Variants in COL5A3 observed in about 807,000 individuals in gnomAD.
COL5A3 encodes collagen type V alpha 3 chain, also known as collagen alpha-3(V) chain.
COL5A3 carries 172 observed loss-of-function variants against 250.0 expected under a neutral mutation model. That is an observed-to-expected ratio of 0.69 (90% confidence interval 0.61 to 0.78). The LOEUF (loss-of-function observed/expected upper bound fraction) is 0.78, where lower values mean the gene tolerates loss of function less well. COL5A3 is among the 30% of genes least tolerant of loss of function. The probability of loss-of-function intolerance (pLI) is 0.00; values close to 1 mark genes in which losing one functional copy is unlikely to be tolerated. For missense variants in COL5A3, 2,340 were observed against 2,334.4 expected, an observed-to-expected ratio of 1.00 and a Z score of -0.05; for synonymous variants, 937 against 900.4, an observed-to-expected ratio of 1.04 and a Z score of -0.73.
chr19:9,980,212 C>T (rs11882370), intron 35 of COL5A3, among the ~76,000 whole-genome samples, 165 bp from the exon 36 acceptor site: 12,837 of 152,228 alleles, frequency 0.084, 758 homozygotes, highest in African/African-American at 0.17. Context: ...CCACTGTAGC[C>T]CTTTGGGTTG....
At chr19:9,978,820 CAT>C in intron 40 of COL5A3, 69 bp downstream of exon 40, 1 of 1,122,712 alleles carries the variant, frequency 8.9e-7, no homozygotes, top group Non-Finnish European at 1.2e-6. Flanking sequence ...TGCTATTCCC[CAT>C]CCCTCCCCTG....
At chr19:10,010,102 A>C in intron 1 of COL5A3, among the ~76,000 whole-genome samples, 196 bp downstream of exon 1, 1 of 150,894 alleles carries the variant, frequency 6.6e-6, no homozygotes, top group East Asian at 2.0e-4. Context: ...GCACTCACAC[A>C]TCCCCACCCC....
At chr19:10,004,208 C>A in intron 4 of COL5A3, 63 bp from the exon 5 acceptor site, 2 of 1,251,742 alleles carry the variant, frequency 1.6e-6, no homozygotes, top group Non-Finnish European at 2.3e-6. Context: ...TACTCTGACC[C>A]CCTAACCCCC....
At chr19:10,000,353 A>G (rs1399791200) in intron 8 of COL5A3, among the ~76,000 whole-genome samples, 1 of 143,588 alleles carries the variant, frequency 7.0e-6, no homozygotes, top group Non-Finnish European at 1.5e-5. Context: ...CGTCCCTCCC[A>G]TCTTCCTCCA....
rs947664569 is a variant in COL5A3 at position 9,985,714 on chromosome 19, C to T, written c.2406+128G>A. ...AGCCACTATGCCTGGCCAAAGCCCACATTTTACATTCTCTCAGTGACCCTT... is the reference window on the plus strand; with the variant it reads ...AGCCACTATGCCTGGCCAAAGCCCATATTTTACATTCTCTCAGTGACCCTT... On this transcript the variant is annotated intron_variant, in intron 31 of 66. Coordinates refer to ENST00000264828, the MANE Select transcript of COL5A3 (RefSeq NM_015719.4). 1.2e-5 allele frequency: 10 copies of T among 842,560 alleles called. No individual in the cohort carries two copies. The African/African-American group carries it at 1.4e-4, about 11-fold the overall frequency. The allele number at this position is 842,560 out of a possible 1,614,324, so 52.2% of individuals were successfully genotyped here. A position where few individuals can be genotyped will look rare whatever the true frequency, so the allele number is the denominator to read the frequency against.
intron 15 of COL5A3, 117 bp from the exon 16 acceptor site, chr19:9,995,734 G>A: frequency 1.3e-6 from 1 of 747,940 alleles, no homozygotes; most frequent in Non-Finnish European, 2.1e-6. Context: ...CCAGACACCT[G>A]GGCTCAAGCA....
At chr19:10,006,438 C>A (rs1208624114) in intron 1 of COL5A3, among the ~76,000 whole-genome samples, 3 of 151,544 alleles carry the variant, frequency 2.0e-5, no homozygotes, top group Non-Finnish European at 2.9e-5. Context: ...CCGACCTCAG[C>A]AGCTTGTTGA....
Position 9,973,780 on chromosome 19 carries a change from A to C in COL5A3, c.3588T>G (p.Gly1196=). 6.2e-7 allele frequency: 1 copy of C among 1,613,938 alleles called. No individual in the cohort carries two copies. Among genetic ancestry groups the C allele is most frequent in the Non-Finnish European group, 8.5e-7 (1 of 1,179,926 alleles). The change falls in exon 49 of 67, where the codon GGT becomes GGG. Residue 1196 remains glycine, a synonymous_variant. Coordinates refer to ENST00000264828, the MANE Select transcript of COL5A3 (RefSeq NM_015719.4). ...EGTPGLPGGV[G]QPGAVGEKGE... Reference sequence around the variant, plus strand: ...CCTTCTCACCCACGGCGCCTGGCTGACCAACTCCTCCAGGCAGCCCTGGAG... The same window carrying C: ...CCTTCTCACCCACGGCGCCTGGCTGCCCAACTCCTCCAGGCAGCCCTGGAG...
At chr19:9,984,029 T>G (rs1040777694) in intron 31 of COL5A3, among the ~76,000 whole-genome samples, 205 of 151,190 alleles carry the variant, frequency 1.4e-3, no homozygotes, top group Non-Finnish European at 2.5e-3. Context: ...AAATGTCTAT[T>G]TTTTTTTTCT....
At chr19:9,984,583 AACTT>A (rs1369488270) in intron 31 of COL5A3, among the ~76,000 whole-genome samples, 1 of 152,176 alleles carries the variant, frequency 6.6e-6, no homozygotes, top group Non-Finnish European at 1.5e-5. Flanking sequence ...TGGTGAATGA[AACTT>A]AATCACACCA....
intron 11 of COL5A3, 170 bp from the exon 12 acceptor site, chr19:9,996,859 A>T (rs537946734): frequency 8.4e-6 from 5 of 594,678 alleles, no homozygotes; most frequent in Non-Finnish European, 1.5e-5. Context: ...AGTAGAGAGA[A>T]GTGGAAAGGA....
In COL5A3 at chr19:9,968,037, G is replaced by C; in HGVS notation, c.4357C>G (p.Pro1453Ala). Residue 1453 changes from proline to alanine, a missense_variant, in exon 60 of 67, where the codon CCA (proline) becomes GCA (alanine). By Grantham distance (27) the Pro-to-Ala change is conservative (BLOSUM62 -1). Around this residue, in one of 3 missense-constraint regions of COL5A3, gnomAD observed 1,179 missense variants for 1,162.6 expected, o/e 1.01. Transcript: ENST00000264828. This position sits in a 1 kb window ranked among gnomAD's most constrained non-coding sequence, Gnocchi z 4.1. ...CCCTGCATACTCACCGCCACACCTGGGGGCCCAGGGTGGCCCAGAGAGCCA... is the reference window on the plus strand; with the variant it reads ...CCCTGCATACTCACCGCCACACCTGCGGGCCCAGGGTGGCCCAGAGAGCCA... Reference protein sequence around the residue: ...PIGSLGHPGPPGVAGPLGQKG... With the variant: ...PIGSLGHPGPAGVAGPLGQKG... The C allele has an allele frequency of 6.3e-7, 1 of 1,590,756 alleles. No homozygotes were observed. Among genetic ancestry groups the C allele is most frequent in the Non-Finnish European group, 8.5e-7 (1 of 1,173,680 alleles).
rs770404454 is a variant in COL5A3 at position 10,004,118 on chromosome 19, G to A, written c.622C>T (p.Pro208Ser). 19 of 1,613,834 alleles carry A rather than the reference G, an allele frequency of 1.2e-5. No homozygotes were observed. Among genetic ancestry groups the A allele is most frequent in the Non-Finnish European group, 1.6e-5 (19 of 1,179,946 alleles). The change falls in exon 5 of 67, where the codon CCA becomes TCA. Residue 208 changes from proline to serine, a missense_variant. Pro to Ser is a moderately conservative substitution (Grantham distance 74). Around this residue, in one of 3 missense-constraint regions of COL5A3, gnomAD observed 1,152 missense variants for 1,146.3 expected, o/e 1.00. Coordinates refer to ENST00000264828, the MANE Select transcript of COL5A3 (RefSeq NM_015719.4). ...EGDIQELLIS[P>S]DPQAAFQACE... ...GCCTGGAAGGCAGCCTGAGGATCTG[G>A]GCTTATCAGCAGCTCCTGAATGTCT...
chr19:10,004,653 C>T (rs892826780), intron 4 of COL5A3, among the ~76,000 whole-genome samples: 8 of 152,104 alleles, frequency 5.3e-5, no homozygotes, highest in African/African-American at 1.9e-4. Context: ...TGTGACGATG[C>T]CTACTTGGCT....
rs546326983 is a variant in COL5A3 at position 9,985,871 on chromosome 19, G to A, written c.2377C>T (p.Pro793Ser). 1.2e-6 allele frequency: 2 copies of A among 1,613,984 alleles called. No homozygotes were observed. Among genetic ancestry groups the A allele is most frequent in the East Asian group, 2.2e-5 (1 of 44,868 alleles). ...EKGKLGVPGL[P>S]GYPGRPGPKG... ...GGTCCAGGGCGTCCTGGATAACCTG[G>A]GAGGCCTGGCACCCCAAGCTTGCCC... Residue 793 changes from proline to serine, a missense_variant, in exon 31 of 67, where the codon CCA becomes TCA. By Grantham distance (74) the Pro-to-Ser change is moderately conservative (BLOSUM62 -1). Transcript: ENST00000264828.
At chr19:9,970,470 G>GAA (rs2086827420) in intron 54 of COL5A3, 152 bp downstream of exon 54, 1 of 417,554 alleles carries the variant, frequency 2.4e-6, no homozygotes, top group Non-Finnish European at 4.1e-6. Context: ...GGTGTGTGGG[G>GAA]TCTGTGGGGT....
In COL5A3 at chr19:10,005,689, CT is replaced by C; in HGVS notation, c.462del (p.Ile154MetfsTer6). 1 of 1,612,304 alleles carries C rather than the reference CT, an allele frequency of 6.2e-7. No homozygotes were observed. Among genetic ancestry groups the C allele is most frequent in the Non-Finnish European group, 8.5e-7 (1 of 1,178,728 alleles). ...DGRWHRVAVS[I>X]DGEMVTLVAD... ...GCTACCAGGGTCACCATCTCACCATCTATGCTGACGGCCACACGGTGCCACC... is the reference window on the plus strand; with the variant it reads ...GCTACCAGGGTCACCATCTCACCATCATGCTGACGGCCACACGGTGCCACC... On this transcript the variant is annotated frameshift_variant, in exon 4 of 67. Transcript: ENST00000264828. LOFTEE classifies it high-confidence loss of function.
rs370871228 is a variant in COL5A3 at position 10,005,719 on chromosome 19, A to G, written c.438-5T>C. The G allele has an allele frequency of 8.7e-6, 14 of 1,604,450 alleles. No homozygotes were observed. The African/African-American group carries it at 1.7e-4, about 20-fold the overall frequency. On this transcript the variant is annotated splice_region_variant and splice_polypyrimidine_tract_variant and intron_variant, in intron 3 of 66. Transcript: ENST00000264828. ...CTGACGGCCACACGGTGCCACCTGC[A>G]AGGGGACGGCCTCAGTGCGGGTGCT...
In COL5A3 at chr19:9,960,192, C is replaced by A; in HGVS notation, c.*219G>T. On this transcript the variant is annotated 3_prime_UTR_variant, in exon 67 of 67. Transcript: ENST00000264828. ...GGAGAAAGAGCCAGACTGCAGTATG[C>A]CACCTGGAATGGGGTGAGAGGAGGC... 1.7e-6 allele frequency: 1 copy of A among 599,320 alleles called. No homozygotes were observed. The highest frequency in any genetic ancestry group is 2.9e-6 in the Non-Finnish European group (1 of 342,414). The allele number at this position is 599,320 out of a possible 1,614,324, so 37.1% of individuals were successfully genotyped here.
Sources: gnomAD v4.1 joint callset for allele counts (sites outside exome capture counted in the v4.1 genomes callset) on GRCh38, gnomAD v4.1.1 for gene constraint, gnomAD v4.1.1 regional missense constraint, Gnocchi (gnomAD v3.1) non-coding constraint, MANE v1.5 for transcripts, NCBI Gene and HGNC (gene_info 2026-07-23, HGNC 2026-07-21) for gene names.